The following ADAMTS17 variants were observed in gnomAD, a reference collection of about 807,000 sequenced individuals.
ADAMTS17 encodes the protein A disintegrin and metalloproteinase with thrombospondin motifs 17.
Under a neutral mutation model 141.5 loss-of-function variants are expected in ADAMTS17, and 113 were observed. That is an observed-to-expected ratio of 0.80 (90% CI 0.69 to 0.93). The LOEUF (loss-of-function observed/expected upper bound fraction) is 0.93, where lower values mean the gene tolerates loss of function less well. ADAMTS17 is among the 40% of genes least tolerant of loss of function. The pLI, the probability that ADAMTS17 is intolerant of heterozygous loss-of-function variation, is 0.00. For missense variants in ADAMTS17, 1,659 were observed against 1,517.9 expected (o/e 1.09, Z -1.54); for synonymous variants, 768 against 630.6 (o/e 1.22, Z -3.27).
At chr15:100,277,416 C>A (rs929922245) in intron 4 of ADAMTS17, among the ~76,000 whole-genome samples, 13 of 152,120 alleles carry the variant, frequency 8.5e-5, no homozygotes, top group Middle Eastern at 3.2e-3. Context: ...AAACAGCCAC[C>A]CCTGCCTGGA....
chr15:99,996,754 C>T (rs2060810295), intron 19 of ADAMTS17, among the ~76,000 whole-genome samples: 1 of 152,080 alleles, frequency 6.6e-6, no homozygotes. Context: ...TGAGGGAAGC[C>T]TGCCCTTTAT....
chr15:100,244,945 G>A (rs1349186907), intron 7 of ADAMTS17, among the ~76,000 whole-genome samples: 1 of 152,238 alleles, frequency 6.6e-6, no homozygotes, highest in South Asian at 2.1e-4. Flanking sequence ...TTCGGGGAGG[G>A]CTTTGTTGGT....
chr15:100,087,924 G>A (rs879550461), intron 15 of ADAMTS17, among the ~76,000 whole-genome samples: 4 of 152,184 alleles, frequency 2.6e-5, no homozygotes, highest in Non-Finnish European at 5.9e-5. Context: ...TTTGAAAAGT[G>A]GCACAAGACA....
At chr15:100,122,459 A>T (rs28756039) in intron 12 of ADAMTS17, among the ~76,000 whole-genome samples, 1 of 152,162 alleles carries the variant, frequency 6.6e-6, no homozygotes, top group Non-Finnish European at 1.5e-5. Flanking sequence ...GACTGTCTCT[A>T]TAACACAGGG....
intron 7 of ADAMTS17, among the ~76,000 whole-genome samples, chr15:100,240,596 C>T (rs564638013): frequency 6.6e-5 from 10 of 152,332 alleles, no homozygotes; most frequent in South Asian, 2.1e-4. Flanking sequence ...GAGGAATCTA[C>T]ATGACAAACT....
At chr15:100,279,617 T>C (rs1281172221) in intron 4 of ADAMTS17, among the ~76,000 whole-genome samples, 1 of 152,222 alleles carries the variant, frequency 6.6e-6, no homozygotes, top group African/African-American at 2.4e-5. Context: ...GCTAAATTCC[T>C]GACCTGCTGA....
chr15:100,298,262 G>A lies in ADAMTS17; in HGVS notation c.617-16861C>T, dbSNP rs2044894640. On this transcript the variant is annotated intron_variant, in intron 3 of 21. Transcript: ENST00000268070. ...AATGAAGAAACCCAGGCCCACTGAA[G>A]ACTGCCTCCCTCAGTTTCTACTGCT... Among the ~76,000 whole-genome samples the A allele has an allele frequency of 2.0e-5, 3 of 152,134 alleles. No individual in the cohort carries two copies. The South Asian group carries it at 6.2e-4, about 31-fold the overall frequency.
chr15:100,295,700 G>A (rs1007321087), intron 3 of ADAMTS17, among the ~76,000 whole-genome samples: 18 of 152,088 alleles, frequency 1.2e-4, no homozygotes, highest in African/African-American at 2.2e-4. Context: ...CTCTTTGCTC[G>A]TGCAGACACT....
intron 20 of ADAMTS17, among the ~76,000 whole-genome samples, chr15:99,982,847 G>A (rs1026306206): frequency 4.6e-5 from 7 of 152,202 alleles, no homozygotes; most frequent in African/African-American, 1.4e-4. Flanking sequence ...ACAGCTGTGC[G>A]TCGGAGCTGG....
At chr15:100,203,250 G>T (rs1454976316) in intron 7 of ADAMTS17, among the ~76,000 whole-genome samples, 2 of 152,132 alleles carry the variant, frequency 1.3e-5, no homozygotes, top group Non-Finnish European at 2.9e-5. Flanking sequence ...ACACACTCTT[G>T]AAAAAATCTG....
At chr15:100,143,396 C>G (rs143236672) in intron 10 of ADAMTS17, among the ~76,000 whole-genome samples, 135 of 152,196 alleles carry the variant, frequency 8.9e-4, no homozygotes, top group Middle Eastern at 6.8e-3. Context: ...ACAGGAGAAA[C>G]TTGTAATCAT....
intron 8 of ADAMTS17, among the ~76,000 whole-genome samples, chr15:100,157,912 G>T (rs192144939): frequency 8.8e-4 from 118 of 134,112 alleles, no homozygotes; most frequent in African/African-American, 2.5e-3. Flanking sequence ...TTCCTGAGAT[G>T]GAGTCTTGCT....
intron 10 of ADAMTS17, among the ~76,000 whole-genome samples, chr15:100,151,394 A>G (rs1203634365): frequency 6.6e-6 from 1 of 152,184 alleles, no homozygotes; most frequent in African/African-American, 2.4e-5. Flanking sequence ...ACTTATACTC[A>G]GACAGGAAGC....
chr15:100,266,360 G>A (rs1344647443), intron 4 of ADAMTS17, among the ~76,000 whole-genome samples: 1 of 152,218 alleles, frequency 6.6e-6, no homozygotes, highest in Non-Finnish European at 1.5e-5. Context: ...GTGCTGCTGG[G>A]CGCCTGGCCC....
intron 7 of ADAMTS17, among the ~76,000 whole-genome samples, chr15:100,233,347 C>G (rs911399356): frequency 6.7e-6 from 1 of 148,188 alleles, no homozygotes; most frequent in African/African-American, 2.5e-5. Context: ...AAAAAAAATA[C>G]AGAAGATTAA....
chr15:100,318,287 G>C (rs1893876908), intron 3 of ADAMTS17, among the ~76,000 whole-genome samples: 1 of 151,584 alleles, frequency 6.6e-6, no homozygotes, highest in African/African-American at 2.4e-5. Context: ...CCCCCTTATA[G>C]TTTTTTAATA....
At chr15:99,989,056 C>G (rs538471215) in intron 20 of ADAMTS17, among the ~76,000 whole-genome samples, 1 of 152,156 alleles carries the variant, frequency 6.6e-6, no homozygotes, top group South Asian at 2.1e-4. Flanking sequence ...TACAGGACGC[C>G]CCTTAGCTCT....
At chr15:100,098,860 C>T (rs1355442032) in intron 14 of ADAMTS17, among the ~76,000 whole-genome samples, 1 of 152,182 alleles carries the variant, frequency 6.6e-6, no homozygotes, top group Admixed American at 6.5e-5. Context: ...CAGAGCTGGT[C>T]TCTCCCACTG....
chr15:100,175,322 G>A (rs1034682484), intron 8 of ADAMTS17, among the ~76,000 whole-genome samples: 1 of 152,194 alleles, frequency 6.6e-6, no homozygotes, highest in Admixed American at 6.5e-5. Flanking sequence ...CCAAGGAACA[G>A]CCTTCTGTCC....
Sources: allele counts gnomAD v4.1 joint callset (sites outside exome capture counted in the v4.1 genomes callset), GRCh38; gene constraint gnomAD v4.1.1; transcripts MANE v1.5; gene names NCBI Gene and HGNC (gene_info 2026-07-23, HGNC 2026-07-21).